The following ZMAT1 variants were observed in gnomAD, a reference collection of about 807,000 sequenced individuals.
The protein encoded by ZMAT1 is zinc finger matrin-type 1, also known as zinc finger matrin-type protein 1.
In ZMAT1, 11 loss-of-function variants were observed where a neutral mutation model predicts 18.5. The observed-to-expected ratio is 0.59, with a 90% CI of 0.37 to 0.98. ZMAT1 has a LOEUF of 0.98. ZMAT1 is among the 50% of genes least tolerant of loss of function. The pLI is 0.01. For missense variants in ZMAT1, 525 were observed against 496.2 expected (o/e 1.06, Z -0.55); for synonymous variants, 211 against 176.4 (o/e 1.20, Z -1.55).
chrX:101,904,948 C>CA (rs1430338042), intron 1 of ZMAT1, among the ~76,000 whole-genome samples: 10 of 111,182 alleles, frequency 9.0e-5, no homozygotes, highest in Admixed American at 8.6e-4. Flanking sequence ...AACAAACAAA[C>CA]AAAAAACAAA....
At chrX:101,915,108 G>T (rs1298264211) in intron 1 of ZMAT1, among the ~76,000 whole-genome samples, 1 of 111,727 alleles carries the variant, frequency 9.0e-6, no homozygotes, top group Non-Finnish European at 1.9e-5. Flanking sequence ...AATTGATGCT[G>T]ACAAAGCATT....
rs774508094 is a variant in ZMAT1, at chrX:101,883,615, T to C, written c.1983A>G (p.Val661=). The stretch of plus-strand genomic sequence containing the variant: ...GCTTACGTTCTTCTTTCTCGGAGGG[T>C]ACATCATGGCTTTTTTTCTTTTTTC... The part of the protein sequence containing the change: ...KHRKKKKSHD[V]PSEKEERKHR... Residue 661 remains valine, a synonymous_variant, in exon 6 of 6, where the codon GTA becomes GTG. Coordinates refer to ENST00000651725, the MANE Select transcript of ZMAT1 (RefSeq NM_001394560.1). The C allele has an allele frequency of 8.3e-7, 1 of 1,206,754 alleles. No individual in the cohort carries two copies. The highest frequency in any genetic ancestry group is 1.1e-6 in the Non-Finnish European group (1 of 894,297).
At chrX:101,922,624 C>T (rs1478018635) in intron 1 of ZMAT1, among the ~76,000 whole-genome samples, 1 of 111,160 alleles carries the variant, frequency 9.0e-6, no homozygotes, top group Admixed American at 9.6e-5. Flanking sequence ...AACTTCTGAC[C>T]TCAGGTGATC....
intron 1 of ZMAT1, among the ~76,000 whole-genome samples, chrX:101,917,162 G>C (rs960298261): frequency 1.8e-5 from 2 of 111,821 alleles, no homozygotes; most frequent in Admixed American, 1.9e-4. Flanking sequence ...ACAAGCACAG[G>C]CAACAACATA....
At position 101,931,920 on chromosome X, in the gene ZMAT1, T is replaced by TAGG. The variant is rs1303195285; in HGVS notation, c.86_88dup (p.Ser29dup). On this transcript the variant is annotated inframe_insertion, in exon 1 of 6. Coordinates refer to ENST00000651725, the MANE Select transcript of ZMAT1 (RefSeq NM_001394560.1). ...CGCCGCCGCTGCCGCGCAGGCGGTG[T>TAGG]AGGAGGAGGAGGAGGCGGCAGAGAC... The TAGG allele has an allele frequency of 1.0e-5, 8 of 787,630 alleles. No individual in the cohort carries two copies. Among genetic ancestry groups the TAGG allele is most frequent in the Admixed American group, 1.7e-4 (2 of 11,884 alleles). 64.9% of individuals were successfully genotyped at this position (787,630 alleles called of 1,213,427 possible).
chrX:101,926,145 T>C (rs1295570319), intron 1 of ZMAT1, among the ~76,000 whole-genome samples: 1 of 111,957 alleles, frequency 8.9e-6, no homozygotes, highest in Non-Finnish European at 1.9e-5. Context: ...ACAATAGTAA[T>C]AGAGGGATGT....
At chrX:101,921,291 T>C (rs1179739412) in intron 1 of ZMAT1, among the ~76,000 whole-genome samples, 1 of 112,062 alleles carries the variant, frequency 8.9e-6, no homozygotes, top group Non-Finnish European at 1.9e-5. Flanking sequence ...TCATATTTTA[T>C]TATTTGTTTT....
chrX:101,886,482 T>C, intron 5 of ZMAT1, 150 bp downstream of exon 5: 8 of 434,152 alleles, frequency 1.8e-5, no homozygotes, highest in Non-Finnish European at 3.3e-5. Context: ...GGGACACTAG[T>C]ATGCAATATG....
At chrX:101,920,042 A>T (rs1373075667) in intron 1 of ZMAT1, among the ~76,000 whole-genome samples, 3 of 16,131 alleles carry the variant, frequency 1.9e-4, no homozygotes, top group African/African-American at 7.4e-4. Context: ...GATTTATTAC[A>T]CTTTTTTTTT....
rs1926760552 is a variant in ZMAT1 at position 101,884,490 on chromosome X, T to C, written c.1108A>G (p.Lys370Glu). 5 of 1,211,497 alleles carry C rather than the reference T, an allele frequency of 4.1e-6. No homozygotes were observed. The South Asian group carries it at 7.0e-5, about 17-fold the overall frequency. ...SFQDELEDYI[K>E]VQKARGLDPK... Reference sequence around the variant, plus strand: ...TCTAGTCCTCTGGCTTTCTGTACTTTGATGTAATCTTCAAGTTCATCTTGG... The same window carrying C: ...TCTAGTCCTCTGGCTTTCTGTACTTCGATGTAATCTTCAAGTTCATCTTGG... Residue 370 changes from lysine to glutamate, a missense_variant, in exon 6 of 6, where the codon AAA becomes GAA. Lys to Glu is a moderately conservative substitution (Grantham distance 56). Coordinates refer to ENST00000651725, the MANE Select transcript of ZMAT1 (RefSeq NM_001394560.1).
rs192682875 is a variant in ZMAT1, at chrX:101,924,226, C to T, written c.292+7491G>A. 7.2e-5 allele frequency among the ~76,000 whole-genome samples: 8 copies of T among 111,469 alleles called. No individual in the cohort carries two copies. In the East Asian group the frequency reaches 2.3e-3, roughly 32 times the overall value. The stretch of plus-strand genomic sequence containing the variant: ...TCCCGAGTTCAAGTGATTCTCCTGC[C>T]TCAGCCTCCCAAGTAGCCAGGATTA... On this transcript the variant is annotated intron_variant, in intron 1 of 5. Coordinates refer to ENST00000651725, the MANE Select transcript of ZMAT1 (RefSeq NM_001394560.1).
chrX:101,916,801 C>A (rs1929367201), intron 1 of ZMAT1, among the ~76,000 whole-genome samples: 1 of 111,792 alleles, frequency 8.9e-6, no homozygotes, highest in Admixed American at 9.5e-5. Flanking sequence ...TACTACAGAG[C>A]TAAAGTAACC....
chrX:101,884,067 C>T lies in ZMAT1; in HGVS notation c.1531G>A (p.Gly511Arg). 1 of 1,209,287 alleles carries T rather than the reference C, an allele frequency of 8.3e-7. No individual in the cohort carries two copies. Among genetic ancestry groups the T allele is most frequent in the Non-Finnish European group, 1.1e-6 (1 of 895,153 alleles). ...LPCETFQTYS[G>R]PYSISQVVEN... ...ACTACTTGTGAAATACTATATGGTC[C>T]TGAATAGGTCTGGAAAGTCTCACAT... is the stretch of plus-strand genomic sequence containing the variant. Residue 511 changes from glycine (G) to arginine (R), a missense_variant, in exon 6 of 6, where the codon GGA (glycine) becomes AGA (arginine). Gly to Arg is a moderately radical substitution (Grantham distance 125). Transcript: ENST00000651725.
intron 2 of ZMAT1, among the ~76,000 whole-genome samples, chrX:101,899,808 G>T (rs1344343791): frequency 8.9e-6 from 1 of 111,865 alleles, no homozygotes; most frequent in African/African-American, 3.3e-5. Flanking sequence ...CTTTTTCTCT[G>T]GGTAGATAGC....
intron 1 of ZMAT1, among the ~76,000 whole-genome samples, chrX:101,914,517 T>C (rs1351252249): frequency 1.8e-5 from 2 of 110,322 alleles, no homozygotes; most frequent in African/African-American, 6.6e-5. Flanking sequence ...AAAGGAGACA[T>C]TACAACTGAT....
intron 4 of ZMAT1, chrX:101,894,697 GA>G (rs1381667876): frequency 1.4e-6 from 1 of 732,684 alleles, no homozygotes; most frequent in Admixed American, 8.9e-5. Context: ...AAACAAAAAA[GA>G]AACAGAAATA....
rs1013331403 is a variant in ZMAT1 at position 101,883,074 on chromosome X, G to A, written c.*436C>T. ...GTTTCTTCTTTCAATTAAATTTCAA[G>A]TTTTTTTAAATAGCTTTCCTGAAGT... On this transcript the variant is annotated 3_prime_UTR_variant, in exon 6 of 6. Coordinates refer to ENST00000651725, the MANE Select transcript of ZMAT1 (RefSeq NM_001394560.1). 2 of 111,670 alleles carry A rather than the reference G, an allele frequency of 1.8e-5. No individual in the cohort carries two copies. The highest frequency in any genetic ancestry group is 3.3e-5 in the African/African-American group (1 of 30,618). 9.2% of individuals were successfully genotyped at this position (111,670 alleles called of 1,213,427 possible).
At chrX:101,927,438 T>TAA (rs770048360) in intron 1 of ZMAT1, among the ~76,000 whole-genome samples, 81 of 112,236 alleles carry the variant, frequency 7.2e-4, no homozygotes, top group African/African-American at 2.6e-3. Context: ...ACCTGACTTA[T>TAA]GAGTTTGCCA....
At chrX:101,895,217 A>G (rs1351339634) in intron 4 of ZMAT1, among the ~76,000 whole-genome samples, 6 of 111,867 alleles carry the variant, frequency 5.4e-5, no homozygotes, top group African/African-American at 1.9e-4. Context: ...TGTATTCCCA[A>G]GAGTGACTAG....
Sources: allele counts gnomAD v4.1 joint callset (sites outside exome capture counted in the v4.1 genomes callset), GRCh38; gene constraint gnomAD v4.1.1; transcripts MANE v1.5; gene names NCBI Gene and HGNC (gene_info 2026-07-23, HGNC 2026-07-21).